The following POLK variants were observed in gnomAD, a reference collection of about 807,000 sequenced individuals.
The protein encoded by POLK is polymerase (DNA directed) kappa.
POLK carries 76 observed loss-of-function variants against 94.0 expected under a neutral mutation model. That is an observed-to-expected ratio of 0.81 (90% confidence interval 0.67 to 0.98). The LOEUF (loss-of-function observed/expected upper bound fraction) is 0.98. Among genes scored for constraint, POLK ranks in the 50% least tolerant of loss-of-function variants. The pLI is 0.00. For missense variants in POLK, 954 were observed against 1,010.1 expected, an observed-to-expected ratio of 0.94 and a Z score of 0.75; for synonymous variants, 349 against 325.4, an observed-to-expected ratio of 1.07 and a Z score of -0.78.
intron 3 of POLK, among the ~76,000 whole-genome samples, chr5:75,559,523 GTTTTTTTTTTTTT>G (rs775525619): frequency 3.7e-5 from 2 of 54,678 alleles, no homozygotes; most frequent in Admixed American, 2.4e-4. Flanking sequence ...GTTTTGTTTT[GTTTTTTTTTTTTT>G]TTTTTTTTTT....
In POLK at chr5:75,526,173, A is replaced by G. The variant is rs1768832061; in HGVS notation, c.-14+14259A>G. Among the ~76,000 whole-genome samples the G allele has an allele frequency of 2.6e-5, 4 of 152,104 alleles. No homozygotes were observed. In the South Asian group the frequency reaches 6.2e-4, roughly 24 times the overall value. On this transcript the variant is annotated intron_variant, in intron 1 of 14. Coordinates refer to ENST00000241436, the Ensembl canonical transcript of POLK. ...ATTTTTATCTGTTTCATTTTTGTTC[A>G]ACTGTAGAGAGGTTGGCTGTATCTT... is the stretch of plus-strand genomic sequence containing the variant.
chr5:75,535,216 C>T (rs989858180), intron 1 of POLK, among the ~76,000 whole-genome samples: 2 of 152,172 alleles, frequency 1.3e-5, no homozygotes, highest in Admixed American at 6.5e-5. Flanking sequence ...ATTTGTGAAG[C>T]TTGGTTTGGC....
At chr5:75,602,469 C>G (rs74433394), downstream of POLK, among the ~76,000 whole-genome samples, 443 of 152,312 alleles carry the variant, frequency 2.9e-3, 19 homozygotes, top group East Asian at 0.079. Flanking sequence ...GAAGACACCT[C>G]TCTTTGAAAA....
chr5:75,538,851 A>G (rs1364758231), intron 1 of POLK, among the ~76,000 whole-genome samples: 14 of 151,490 alleles, frequency 9.2e-5, no homozygotes, highest in Non-Finnish European at 1.5e-5. Context: ...GCTCACTGCA[A>G]CCTCCACTTT....
intron 1 of POLK, among the ~76,000 whole-genome samples, chr5:75,541,793 C>T (rs916203621): frequency 4.6e-5 from 7 of 152,114 alleles, no homozygotes; most frequent in African/African-American, 1.7e-4. Flanking sequence ...TGCACCTATA[C>T]TTTCATTTTT....
intron 2 of POLK, among the ~76,000 whole-genome samples, chr5:75,550,305 G>A (rs1442053998): frequency 1.3e-5 from 2 of 152,080 alleles, no homozygotes; most frequent in Non-Finnish European, 2.9e-5. Flanking sequence ...TCTAAAAATC[G>A]GCCAAGCTCA....
chr5:75,526,638 G>A (rs1455048581), intron 1 of POLK, among the ~76,000 whole-genome samples: 2 of 146,832 alleles, frequency 1.4e-5, no homozygotes, highest in Non-Finnish European at 3.0e-5. Context: ...CTGGAGTGCA[G>A]TGGCTCAATC....
intron 10 of POLK, among the ~76,000 whole-genome samples, chr5:75,587,390 T>C (rs1341986059): frequency 1.3e-5 from 2 of 152,212 alleles, no homozygotes; most frequent in African/African-American, 4.8e-5. Context: ...GAAGTAACAA[T>C]GGGAATTCTT....
rs927201605 is a variant in POLK at position 75,576,700 on chromosome 5, A to T, written c.541-80A>T. ...ACTGTAGTTGCAAACTAAGAATATT[A>T]ACATTTCTTATCAGCTACATATGAC... On this transcript the variant is annotated intron_variant, in intron 5 of 14. Transcript: ENST00000241436. The T allele has an allele frequency of 3.5e-5, 22 of 621,606 alleles. No homozygotes were observed. In the South Asian group the frequency reaches 9.0e-4, roughly 26 times the overall value. The allele number at this position is 621,606 out of a possible 1,614,324, so 38.5% of individuals were successfully genotyped here.
At chr5:75,587,827 C>T (rs1237316051) in intron 10 of POLK, among the ~76,000 whole-genome samples, 1 of 152,016 alleles carries the variant, frequency 6.6e-6, no homozygotes, top group East Asian at 1.9e-4. Flanking sequence ...GGCTGAGGCA[C>T]AAGAATTGAA....
chr5:75,577,081 A>T (rs1771924242), intron 6 of POLK, 148 bp downstream of exon 6: 2 of 435,724 alleles, frequency 4.6e-6, no homozygotes, highest in East Asian at 7.3e-5. Context: ...AGAAAATTTT[A>T]AAAATACCAG....
At chr5:75,563,478 A>AT (rs1272227248) in intron 3 of POLK, among the ~76,000 whole-genome samples, 2 of 151,786 alleles carry the variant, frequency 1.3e-5, no homozygotes, top group African/African-American at 4.8e-5. Flanking sequence ...AATTATTTTA[A>AT]TTGTGATGTT....
intron 11 of POLK, among the ~76,000 whole-genome samples, chr5:75,590,712 CA>C: frequency 6.6e-6 from 1 of 152,234 alleles, no homozygotes; most frequent in East Asian, 1.9e-4. Flanking sequence ...CTCAGGAGTA[CA>C]TTTGAATAAG....
intron 3 of POLK, among the ~76,000 whole-genome samples, chr5:75,558,176 G>A (rs1355039263): frequency 6.6e-6 from 1 of 150,536 alleles, no homozygotes; most frequent in Admixed American, 6.6e-5. Context: ...CTTATATCTT[G>A]TAACTGATTA....
chr5:75,546,197 GTATGT>G (rs1561356850), intron 1 of POLK, among the ~76,000 whole-genome samples: 1 of 152,114 alleles, frequency 6.6e-6, no homozygotes, highest in South Asian at 2.1e-4. Context: ...TATGTATTTT[GTATGT>G]TATATTTGTT....
chr5:75,549,753 T>C (rs1770242641), intron 2 of POLK, among the ~76,000 whole-genome samples: 1 of 152,040 alleles, frequency 6.6e-6, no homozygotes, highest in Admixed American at 6.6e-5. Flanking sequence ...TTACAGAGAA[T>C]AGTAAAGTAA....
exon 15 of POLK, chr5:75,598,161 A>G (rs558196468): frequency 4.4e-5 from 20 of 456,512 alleles, no homozygotes; most frequent in Non-Finnish European, 7.4e-5. Context: ...TTGCTTTTCT[A>G]AGATACATAT....
In POLK at chr5:75,569,327, T is replaced by C. The variant is rs1771457192; in HGVS notation, c.256-13T>C. On this transcript the variant is annotated splice_polypyrimidine_tract_variant and intron_variant, in intron 3 of 14. Coordinates refer to ENST00000241436, the Ensembl canonical transcript of POLK. ...GTTGTCTAAAAGTATGTTAACTTTT[T>C]TAAAAAATTAAGGTTGACAGATTTG... 6.3e-7 allele frequency: 1 copy of C among 1,589,612 alleles called. No individual in the cohort carries two copies. Among genetic ancestry groups the C allele is most frequent in the South Asian group, 1.1e-5 (1 of 88,250 alleles).
intron 10 of POLK, among the ~76,000 whole-genome samples, chr5:75,587,767 A>G (rs1161172029): frequency 6.6e-6 from 1 of 152,180 alleles, no homozygotes; most frequent in Admixed American, 6.5e-5. Context: ...CTAAAAATAC[A>G]AAAATCAGCC....
Sources: gnomAD v4.1 joint callset for allele counts (sites outside exome capture counted in the v4.1 genomes callset) on GRCh38, gnomAD v4.1.1 for gene constraint, MANE v1.5 for transcripts, NCBI Gene and HGNC (gene_info 2026-07-23, HGNC 2026-07-21) for gene names.